The following SERPINB7 variants were observed in gnomAD, a reference collection of about 807,000 sequenced individuals.
The protein encoded by SERPINB7 is serpin B7.
SERPINB7 carries 31 observed loss-of-function variants against 37.4 expected under a neutral mutation model. That is an observed-to-expected ratio of 0.83 (90% CI 0.62 to 1.12). SERPINB7 has a LOEUF of 1.12. Ranked by LOEUF, SERPINB7 falls within the 50% of genes most tolerant of loss-of-function variation. The probability of loss-of-function intolerance (pLI) is 0.00; values close to 1 mark genes in which losing one functional copy is unlikely to be tolerated. For missense variants in SERPINB7, 521 were observed against 455.3 expected (o/e 1.14, Z -1.31); for synonymous variants, 163 against 166.1 (o/e 0.98, Z 0.14).
intron 1 of SERPINB7, among the ~76,000 whole-genome samples, chr18:63,758,755 C>G (rs1209843693): frequency 3.3e-5 from 5 of 152,158 alleles, no homozygotes; most frequent in Non-Finnish European, 7.3e-5. Flanking sequence ...TCCTTCTAGC[C>G]CTCTACCCCC....
chr18:63,787,786 A>G (rs2049387443), intron 2 of SERPINB7, among the ~76,000 whole-genome samples: 1 of 152,204 alleles, frequency 6.6e-6, no homozygotes, highest in Admixed American at 6.5e-5. Flanking sequence ...CTTCACATGA[A>G]TTACTACATT....
In SERPINB7 at chr18:63,798,593, T is replaced by G. The variant is rs767954856; in HGVS notation, c.455-11T>G. On this transcript the variant is annotated splice_polypyrimidine_tract_variant and intron_variant, in intron 5 of 7. Coordinates refer to ENST00000398019, the MANE Select transcript of SERPINB7 (RefSeq NM_003784.4). ...AAATAAACATTTTTCCCTCAATTTT[T>G]TTTTCAAAAGGCAAAATCAAGAACG... 1.6e-5 allele frequency: 25 copies of G among 1,541,854 alleles called. No homozygotes were observed.
intron 1 of SERPINB7, among the ~76,000 whole-genome samples, chr18:63,756,165 TA>T (rs1486690921): frequency 2.0e-5 from 3 of 152,084 alleles, no homozygotes; most frequent in African/African-American, 7.2e-5. Context: ...TTTTGAGGTT[TA>T]AAAGTAGGTG....
chr18:63,783,013 C>T (rs1404671385), intron 2 of SERPINB7, among the ~76,000 whole-genome samples: 1 of 151,606 alleles, frequency 6.6e-6, no homozygotes, highest in Non-Finnish European at 1.5e-5. Context: ...TGGCGGGCGC[C>T]TGTAGTCCCA....
chr18:63,797,167 C>T (rs538720489), intron 5 of SERPINB7, among the ~76,000 whole-genome samples: 2 of 152,276 alleles, frequency 1.3e-5, no homozygotes, highest in African/African-American at 4.8e-5. Flanking sequence ...TGTTTCATTA[C>T]CTAAGGGTTG....
At chr18:63,762,002 T>C (rs534524125) in intron 1 of SERPINB7, among the ~76,000 whole-genome samples, 7 of 152,216 alleles carry the variant, frequency 4.6e-5, no homozygotes, top group Non-Finnish European at 1.0e-4. Flanking sequence ...TTTCTAATTC[T>C]TCTAGGACTC....
chr18:63,771,035 T>G (rs2049208123), upstream of SERPINB7, among the ~76,000 whole-genome samples: 1 of 103,862 alleles, frequency 9.6e-6, no homozygotes, highest in Non-Finnish European at 1.9e-5. Flanking sequence ...GCAGTTTGCG[T>G]GGTGGGGTGG....
chr18:63,785,928 GTATATATACACATATATAATATACT>G (rs1568209202), intron 2 of SERPINB7, among the ~76,000 whole-genome samples: 2,942 of 110,880 alleles, frequency 0.027, 860 homozygotes, highest in African/African-American at 0.082. Context: ...TATAATATAC[GTATATATACACATATATAATATACT>G]TATATATACA....
intron 1 of SERPINB7, among the ~76,000 whole-genome samples, chr18:63,754,879 T>C (rs1349224379): frequency 1.0e-5 from 1 of 99,710 alleles, no homozygotes; most frequent in African/African-American, 4.0e-5. Context: ...TAAACTGAGG[T>C]CTTTTTTTTT....
At chr18:63,785,286 C>T (rs2049352941) in intron 2 of SERPINB7, among the ~76,000 whole-genome samples, 2 of 152,248 alleles carry the variant, frequency 1.3e-5, no homozygotes, top group South Asian at 4.2e-4. Context: ...TAAATGAATC[C>T]CGGCTCAATT....
intron 1 of SERPINB7, among the ~76,000 whole-genome samples, chr18:63,770,152 T>C (rs1207786576): frequency 6.6e-6 from 1 of 150,642 alleles, no homozygotes; most frequent in African/African-American, 2.4e-5. Context: ...GTTGCTTCTC[T>C]TGTGGCATCT....
rs2049124615 is a variant in SERPINB7 at position 63,756,804 on chromosome 18, T to TGTGTGTG, written c.-19+3684_-19+3685insGTGTGTG. Among the ~76,000 whole-genome samples the TGTGTGTG allele has an allele frequency of 5.1e-5, 7 of 137,264 alleles. No individual in the cohort carries two copies. In the East Asian group the frequency reaches 1.1e-3, roughly 21 times the overall value. The allele number at this position is 137,264 out of a possible 152,430, so 90.1% of individuals were successfully genotyped here. On this transcript the variant is annotated intron_variant, in intron 1 of 7. Transcript: ENST00000336429. ...GTTGTTTCCAGGGTCTTGGGGTAGC[T>TGTGTGTG]TGTGTGTGTGTGTGTGTGTGTGTGT... is the stretch of plus-strand genomic sequence containing the variant.
At chr18:63,781,269 G>A (rs980970744) in intron 1 of SERPINB7, among the ~76,000 whole-genome samples, 1 of 152,122 alleles carries the variant, frequency 6.6e-6, no homozygotes, top group African/African-American at 2.4e-5. Context: ...ATTTTCTGTT[G>A]AGAATCGCTA....
chr18:63,799,057 A>G lies in SERPINB7; in HGVS notation c.597+311A>G, dbSNP rs535291158. On this transcript the variant is annotated intron_variant, in intron 6 of 7. Coordinates refer to ENST00000398019, the MANE Select transcript of SERPINB7 (RefSeq NM_003784.4). ...GACCTATAAGAAAATATATGACAAA[A>G]GTGTATTTTTCATTTTTCATTTTTT... is the stretch of plus-strand genomic sequence containing the variant. 2.6e-5 allele frequency among the ~76,000 whole-genome samples: 4 copies of G among 152,328 alleles called. No homozygotes were observed. The East Asian group carries it at 7.7e-4, about 29-fold the overall frequency.
chr18:63,763,566 C>T (rs1256827222), intron 1 of SERPINB7, among the ~76,000 whole-genome samples: 1 of 152,148 alleles, frequency 6.6e-6, no homozygotes, highest in Non-Finnish European at 1.5e-5. Context: ...TGGTCAAATT[C>T]ATCATGTGCT....
chr18:63,778,374 AAATT>A (rs1478591328), intron 1 of SERPINB7, among the ~76,000 whole-genome samples: 1 of 152,180 alleles, frequency 6.6e-6, no homozygotes, highest in Non-Finnish European at 1.5e-5. Flanking sequence ...ATAAGAATAA[AAATT>A]AATCACATTC....
At chr18:63,770,173 G>A (rs1175995308) in intron 1 of SERPINB7, among the ~76,000 whole-genome samples, 13 of 150,498 alleles carry the variant, frequency 8.6e-5, no homozygotes. Context: ...GCTTGTAGTG[G>A]GGTTATTATC....
intron 7 of SERPINB7, among the ~76,000 whole-genome samples, chr18:63,802,384 G>A (rs2049559062): frequency 6.6e-6 from 1 of 152,078 alleles, no homozygotes; most frequent in East Asian, 1.9e-4. Flanking sequence ...TCAGAGGCCT[G>A]GACTCATCTC....
chr18:63,793,942 T>TTC (rs139396838), intron 4 of SERPINB7, among the ~76,000 whole-genome samples: 18,164 of 149,950 alleles, frequency 0.12, 1,798 homozygotes, highest in East Asian at 0.41. Context: ...CTTCTAGAGC[T>TTC]TCTCTCTCTC....
Sources: allele counts gnomAD v4.1 joint callset (sites outside exome capture counted in the v4.1 genomes callset), GRCh38; gene constraint gnomAD v4.1.1; transcripts MANE v1.5; gene names NCBI Gene and HGNC (gene_info 2026-07-23, HGNC 2026-07-21).